ADAMTS12: variants seen among roughly 807,000 people sequenced by gnomAD.
ADAMTS12 encodes ADAM metallopeptidase with thrombospondin type 1 motif 12, also known as A disintegrin and metalloproteinase with thrombospondin motifs 12.
Under a neutral mutation model 167.8 loss-of-function variants are expected in ADAMTS12, and 118 were observed. The observed-to-expected ratio is 0.70, with a 90% CI of 0.61 to 0.82. The LOEUF (loss-of-function observed/expected upper bound fraction) is 0.82. Among genes scored for constraint, ADAMTS12 ranks in the 40% least tolerant of loss-of-function variants. ADAMTS12 has a pLI of 0.00. For synonymous variants in ADAMTS12, 704 were observed against 716.9 expected (o/e 0.98, Z 0.29); for missense variants, 1,916 against 1,998.8 (o/e 0.96, Z 0.79).
At chr5:33,550,502 T>C (rs1181127977) in intron 20 of ADAMTS12, among the ~76,000 whole-genome samples, 1 of 152,200 alleles carries the variant, frequency 6.6e-6, no homozygotes, top group Admixed American at 6.5e-5. Flanking sequence ...CAGCCCAGGT[T>C]CTTCCCCAGG....
chr5:33,880,444 T>C (rs539170992), intron 2 of ADAMTS12, among the ~76,000 whole-genome samples: 17 of 152,334 alleles, frequency 1.1e-4, no homozygotes, highest in African/African-American at 3.4e-4. Flanking sequence ...ACTACTCAGC[T>C]CTGTTGTTGC....
intron 3 of ADAMTS12, among the ~76,000 whole-genome samples, chr5:33,709,103 A>C (rs542269552): frequency 2.6e-5 from 4 of 152,280 alleles, no homozygotes; most frequent in Admixed American, 2.0e-4. Flanking sequence ...CATGAAAAAA[A>C]GCTCAACATC....
intron 11 of ADAMTS12, among the ~76,000 whole-genome samples, chr5:33,641,201 G>A (rs1324758057): frequency 6.6e-6 from 1 of 151,926 alleles, no homozygotes; most frequent in Non-Finnish European, 1.5e-5. Context: ...CATACAAATA[G>A]AATATATGAA....
At position 33,637,471 on chromosome 5, in the gene ADAMTS12, T is replaced by G. The variant is rs950567190; in HGVS notation, c.1888+106A>C. On this transcript the variant is annotated intron_variant, in intron 12 of 23. Transcript: ENST00000504830. ...AAATTACAAAATTCCTGGTGTACAATTGTCTTTGTTAAGCTTTGTGTGGAT... is the reference window on the plus strand; with the variant it reads ...AAATTACAAAATTCCTGGTGTACAAGTGTCTTTGTTAAGCTTTGTGTGGAT... 2.5e-6 allele frequency: 3 copies of G among 1,195,734 alleles called. No homozygotes were observed. The Admixed American group carries it at 7.5e-5, about 30-fold the overall frequency. 74.1% of individuals were successfully genotyped at this position (1,195,734 alleles called of 1,614,324 possible).
At chr5:33,762,710 T>C (rs143501017) in intron 2 of ADAMTS12, among the ~76,000 whole-genome samples, 2 of 152,136 alleles carry the variant, frequency 1.3e-5, no homozygotes, top group African/African-American at 4.8e-5. Flanking sequence ...TGGAGCATGA[T>C]AGGAAATGTA....
chr5:33,751,566 A>G lies in ADAMTS12; in HGVS notation c.490-18T>C. On this transcript the variant is annotated intron_variant, in intron 2 of 23. Coordinates refer to ENST00000504830, the MANE Select transcript of ADAMTS12 (RefSeq NM_030955.4). ...AATCCAGTCTGTAAATACATTCAGT[A>G]AGAAAGTTTATTTTAACCAATTCTA... 6.2e-7 allele frequency: 1 copy of G among 1,611,144 alleles called. No homozygotes were observed. Among genetic ancestry groups the G allele is most frequent in the South Asian group, 1.1e-5 (1 of 90,490 alleles).
intron 3 of ADAMTS12, among the ~76,000 whole-genome samples, chr5:33,750,048 C>T (rs1357299745): frequency 2.0e-5 from 3 of 152,126 alleles, no homozygotes; most frequent in Non-Finnish European, 4.4e-5. Flanking sequence ...CCCCATCACC[C>T]AGAGTGTAAT....
At chr5:33,668,148 C>T (rs1355054184) in intron 5 of ADAMTS12, among the ~76,000 whole-genome samples, 1 of 152,086 alleles carries the variant, frequency 6.6e-6, no homozygotes. Context: ...CCTAACCTAC[C>T]GAATATTGTA....
chr5:33,684,919 G>A (rs927246982), intron 3 of ADAMTS12, among the ~76,000 whole-genome samples: 3 of 152,178 alleles, frequency 2.0e-5, no homozygotes, highest in Non-Finnish European at 2.9e-5. Context: ...ACACCAAAAC[G>A]AATAAAAGGC....
intron 19 of ADAMTS12, among the ~76,000 whole-genome samples, chr5:33,574,529 T>C (rs552152577): frequency 4.8e-4 from 68 of 142,420 alleles, no homozygotes; most frequent in African/African-American, 1.6e-3. Context: ...TTCTCACTCA[T>C]AGATGGGAAT....
intron 3 of ADAMTS12, among the ~76,000 whole-genome samples, chr5:33,702,580 C>G (rs974291530): frequency 1.3e-5 from 2 of 152,154 alleles, no homozygotes; most frequent in African/African-American, 4.8e-5. Flanking sequence ...AATGAACTGG[C>G]TCACCCAGTA....
chr5:33,776,248 C>T (rs1745907463), intron 2 of ADAMTS12, among the ~76,000 whole-genome samples: 1 of 152,086 alleles, frequency 6.6e-6, no homozygotes, highest in South Asian at 2.1e-4. Context: ...CAGAACATTC[C>T]ATCCAACAGC....
chr5:33,814,391 G>T (rs1747575156), intron 2 of ADAMTS12, among the ~76,000 whole-genome samples: 1 of 152,186 alleles, frequency 6.6e-6, no homozygotes, highest in Admixed American at 6.5e-5. Context: ...TAAATTAAGT[G>T]ATTGCATGTG....
chr5:33,613,818 T>C (rs1188093424), intron 16 of ADAMTS12, among the ~76,000 whole-genome samples: 2 of 152,044 alleles, frequency 1.3e-5, no homozygotes, highest in African/African-American at 4.8e-5. Context: ...AAACAGGAGA[T>C]GGAGAAAGAG....
intron 5 of ADAMTS12, among the ~76,000 whole-genome samples, chr5:33,671,752 A>G (rs1321079228): frequency 6.6e-6 from 1 of 151,758 alleles, no homozygotes; most frequent in East Asian, 1.9e-4. Flanking sequence ...ACATACTCAC[A>G]AACACACACA....
At chr5:33,766,067 A>G (rs1239544900) in intron 2 of ADAMTS12, among the ~76,000 whole-genome samples, 1 of 152,204 alleles carries the variant, frequency 6.6e-6, no homozygotes, top group Non-Finnish European at 1.5e-5. Flanking sequence ...CTTCCTGTAC[A>G]GAAGATTTCC....
intron 2 of ADAMTS12, among the ~76,000 whole-genome samples, chr5:33,849,544 A>T (rs543482586): frequency 8.2e-6 from 1 of 121,694 alleles, no homozygotes. Flanking sequence ...CAATATATAC[A>T]TATATGTACT....
intron 2 of ADAMTS12, among the ~76,000 whole-genome samples, chr5:33,799,001 T>C (rs1277162173): frequency 1.3e-5 from 2 of 152,140 alleles, no homozygotes; most frequent in East Asian, 3.9e-4. Context: ...CACAACTTTT[T>C]CTACCTGGAG....
At chr5:33,639,606 GC>G (rs1490995611) in intron 11 of ADAMTS12, among the ~76,000 whole-genome samples, 2 of 152,190 alleles carry the variant, frequency 1.3e-5, no homozygotes, top group African/African-American at 4.8e-5. Flanking sequence ...AGCTAGAACA[GC>G]TCCCCAAAGG....
Sources: gnomAD v4.1 joint callset for allele counts (sites outside exome capture counted in the v4.1 genomes callset) on GRCh38, gnomAD v4.1.1 for gene constraint, MANE v1.5 for transcripts, NCBI Gene and HGNC (gene_info 2026-07-23, HGNC 2026-07-21) for gene names.